Variants in SGCZ observed in about 807,000 individuals in gnomAD.
SGCZ encodes the protein zeta-sarcoglycan.
A neutral mutation model predicts 41.3 loss-of-function variants in SGCZ; 40 were observed. The observed-to-expected ratio is 0.97, with a 90% CI of 0.75 to 1.26. SGCZ has a LOEUF of 1.26. SGCZ is among the 50% of genes most tolerant of loss of function. SGCZ has a pLI of 0.00. For synonymous variants in SGCZ, 206 were observed against 137.5 expected (o/e 1.50, Z -3.49); for missense variants, 552 against 369.8 (o/e 1.49, Z -4.04).
chr8:15,050,134 G>T (rs1026783998), intron 1 of SGCZ, among the ~76,000 whole-genome samples: 1 of 152,098 alleles, frequency 6.6e-6, no homozygotes, highest in East Asian at 1.9e-4. Flanking sequence ...AGATTTACAC[G>T]TACAGTCTGT....
At chr8:14,551,489 T>TTATATATAATATATAATATATATAA in intron 2 of SGCZ, among the ~76,000 whole-genome samples, 1 of 6,258 alleles carries the variant, frequency 1.6e-4, no homozygotes, top group South Asian at 3.8e-3. Context: ...ATTATATATA[T>TTATATATAATATATAATATATATAA]TATATATATT....
chr8:14,846,288 T>C (rs544286890), intron 1 of SGCZ, among the ~76,000 whole-genome samples: 1 of 152,028 alleles, frequency 6.6e-6, no homozygotes. Flanking sequence ...TGAGGAAGTG[T>C]TGATTAAACC....
chr8:14,603,658 T>G (rs765197449), intron 1 of SGCZ, among the ~76,000 whole-genome samples: 1 of 152,144 alleles, frequency 6.6e-6, no homozygotes, highest in Non-Finnish European at 1.5e-5. Flanking sequence ...CAAATGCAAT[T>G]TAGATATGAT....
At chr8:15,166,273 A>T (rs1799662695) in intron 1 of SGCZ, among the ~76,000 whole-genome samples, 1 of 139,076 alleles carries the variant, frequency 7.2e-6, no homozygotes, top group African/African-American at 2.7e-5. Flanking sequence ...TTTGAGACGG[A>T]GTCTCGCTCT....
At chr8:14,336,283 G>A (rs1378797293) in intron 2 of SGCZ, among the ~76,000 whole-genome samples, 2 of 152,174 alleles carry the variant, frequency 1.3e-5, no homozygotes, top group Non-Finnish European at 2.9e-5. Context: ...GTATTCCATA[G>A]TGTATAGGTG....
chr8:14,269,669 A>C (rs2117259383), intron 3 of SGCZ, among the ~76,000 whole-genome samples: 1 of 152,116 alleles, frequency 6.6e-6, no homozygotes, highest in South Asian at 2.1e-4. Flanking sequence ...GAGTTCTTTA[A>C]GTCAAAAATT....
At chr8:14,199,264 T>G (rs569932666) in intron 4 of SGCZ, among the ~76,000 whole-genome samples, 2 of 152,128 alleles carry the variant, frequency 1.3e-5, no homozygotes, top group African/African-American at 2.4e-5. Context: ...AGCGGACAGA[T>G]GAAATAAGCC....
intron 1 of SGCZ, among the ~76,000 whole-genome samples, chr8:14,763,849 G>A: frequency 6.6e-6 from 1 of 152,208 alleles, no homozygotes; most frequent in Middle Eastern, 3.2e-3. Context: ...TAAGGACACA[G>A]ATAGTTAGGA....
intron 1 of SGCZ, among the ~76,000 whole-genome samples, chr8:14,822,073 TACACAC>T (rs57337707): frequency 5.8e-4 from 82 of 141,650 alleles, no homozygotes; most frequent in South Asian, 2.5e-3. Context: ...CCCTAAAGAT[TACACAC>T]ACACACACAC....
At chr8:14,975,233 G>C (rs1233918223) in intron 1 of SGCZ, among the ~76,000 whole-genome samples, 1 of 152,124 alleles carries the variant, frequency 6.6e-6, no homozygotes, top group Non-Finnish European at 1.5e-5. Context: ...TTGAACCCGG[G>C]AGGCAGAAGT....
At chr8:14,256,526 C>T (rs921536557) in intron 3 of SGCZ, among the ~76,000 whole-genome samples, 2 of 151,090 alleles carry the variant, frequency 1.3e-5, no homozygotes, top group African/African-American at 4.8e-5. Flanking sequence ...TATATAAATC[C>T]TACTATGAGT....
intron 2 of SGCZ, among the ~76,000 whole-genome samples, chr8:14,486,168 T>A (rs547223899): frequency 6.6e-6 from 1 of 152,322 alleles, no homozygotes; most frequent in African/African-American, 2.4e-5. Context: ...ACAATAAATA[T>A]AGCCACACTA....
intron 1 of SGCZ, among the ~76,000 whole-genome samples, chr8:14,705,270 T>G (rs745778235): frequency 2.0e-5 from 3 of 151,998 alleles, no homozygotes; most frequent in Non-Finnish European, 2.9e-5. Flanking sequence ...ACAATCAGTA[T>G]AGGCATAAAG....
chr8:14,372,901 T>A (rs1387653926), intron 2 of SGCZ, among the ~76,000 whole-genome samples: 2 of 152,208 alleles, frequency 1.3e-5, no homozygotes, highest in African/African-American at 4.8e-5. Context: ...TAAAGGTTTT[T>A]ACTTTTATGC....
At chr8:14,425,707 T>G (rs763813105) in intron 2 of SGCZ, among the ~76,000 whole-genome samples, 14 of 152,176 alleles carry the variant, frequency 9.2e-5, no homozygotes, top group Non-Finnish European at 1.8e-4. Context: ...GATTTAAACT[T>G]ACTTATACAA....
At chr8:15,192,728 T>A (rs1335519050) in intron 1 of SGCZ, among the ~76,000 whole-genome samples, 1 of 152,054 alleles carries the variant, frequency 6.6e-6, no homozygotes, top group Non-Finnish European at 1.5e-5. Flanking sequence ...AAATTACCAT[T>A]TCCACTGAAG....
chr8:15,098,817 G>A (rs1318194298), intron 1 of SGCZ, among the ~76,000 whole-genome samples: 1 of 152,218 alleles, frequency 6.6e-6, no homozygotes, highest in Non-Finnish European at 1.5e-5. Context: ...CCAGCACTTT[G>A]GGAGGCCGAT....
At chr8:14,819,745 A>C (rs1215577703) in intron 1 of SGCZ, among the ~76,000 whole-genome samples, 1 of 152,152 alleles carries the variant, frequency 6.6e-6, no homozygotes, top group Non-Finnish European at 1.5e-5. Flanking sequence ...AAGAGGGAAA[A>C]ATTGTAGAGT....
intron 1 of SGCZ, among the ~76,000 whole-genome samples, chr8:14,746,511 T>C (rs1223030641): frequency 6.6e-6 from 1 of 152,118 alleles, no homozygotes; most frequent in East Asian, 1.9e-4. Context: ...TATTTCCTCA[T>C]TCACTCTCTC....
Sources: allele counts gnomAD v4.1 joint callset (sites outside exome capture counted in the v4.1 genomes callset), GRCh38; gene constraint gnomAD v4.1.1; transcripts MANE v1.5; gene names NCBI Gene and HGNC (gene_info 2026-07-23, HGNC 2026-07-21).